IMMP2L: variants seen among roughly 807,000 people sequenced by gnomAD.
The protein encoded by IMMP2L is mitochondrial inner membrane protease subunit 2.
Under a neutral mutation model 19.3 loss-of-function variants are expected in IMMP2L, and 18 were observed. The observed-to-expected ratio is 0.93, with a 90% CI of 0.64 to 1.38. The LOEUF is 1.38. Ranked by LOEUF, IMMP2L falls within the 40% of genes most tolerant of loss-of-function variation. The pLI is 0.00. For synonymous variants in IMMP2L, 76 were observed against 73.0 expected (o/e 1.04, Z -0.21); for missense variants, 233 against 218.2 (o/e 1.07, Z -0.43).
chr7:111,088,709 A>G (rs1018121883), intron 3 of IMMP2L, among the ~76,000 whole-genome samples: 41 of 152,182 alleles, frequency 2.7e-4, no homozygotes, highest in Non-Finnish European at 1.5e-5. Flanking sequence ...CTGTATTACA[A>G]TGTAACGTCT....
At chr7:110,996,297 A>T (rs961953510) in intron 3 of IMMP2L, among the ~76,000 whole-genome samples, 3 of 152,134 alleles carry the variant, frequency 2.0e-5, no homozygotes, top group Non-Finnish European at 4.4e-5. Flanking sequence ...GGCAAATGGG[A>T]AAGTGGCCTG....
chr7:110,860,271 T>C (rs974218802), intron 5 of IMMP2L, among the ~76,000 whole-genome samples: 2 of 152,062 alleles, frequency 1.3e-5, no homozygotes, highest in Non-Finnish European at 2.9e-5. Context: ...TATCCTAAGA[T>C]TTAAAAAATA....
chr7:111,147,110 T>A (rs983171283), intron 3 of IMMP2L, among the ~76,000 whole-genome samples: 1 of 152,266 alleles, frequency 6.6e-6, no homozygotes, highest in African/African-American at 2.4e-5. Context: ...TTTTAGAGAC[T>A]CAATATTCTC....
intron 4 of IMMP2L, among the ~76,000 whole-genome samples, chr7:110,892,610 A>G (rs1235920031): frequency 1.3e-5 from 2 of 152,162 alleles, no homozygotes; most frequent in African/African-American, 2.4e-5. Context: ...AGTGCAAATA[A>G]CAAGCAAAAA....
chr7:110,878,464 T>C (rs1809297083), intron 5 of IMMP2L, among the ~76,000 whole-genome samples: 1 of 152,122 alleles, frequency 6.6e-6, no homozygotes. Flanking sequence ...TTTGAAAAGA[T>C]ACATTTTGAT....
chr7:111,171,370 T>C (rs962738349), intron 3 of IMMP2L, among the ~76,000 whole-genome samples: 3 of 151,696 alleles, frequency 2.0e-5, no homozygotes, highest in Admixed American at 1.3e-4. Context: ...TTTTGAATCA[T>C]TGACCACAAG....
At chr7:111,320,074 C>T (rs994591357) in intron 3 of IMMP2L, among the ~76,000 whole-genome samples, 32 of 151,950 alleles carry the variant, frequency 2.1e-4, no homozygotes, top group African/African-American at 7.7e-4. Flanking sequence ...TATATATACA[C>T]AGAAAGAGAG....
rs1480019960 is a variant in IMMP2L, at chr7:110,702,710, A to G, written c.409-38989T>C. Among the ~76,000 whole-genome samples the G allele has an allele frequency of 2.6e-5, 4 of 152,106 alleles. 1 individual carries two copies. In the East Asian group the frequency reaches 7.7e-4, roughly 29 times the overall value. ...TATGATTTAACATTTTCAATTTTCA[A>G]TTGTTTATTGCTAGTATAGAGAAAC... On this transcript the variant is annotated intron_variant, in intron 5 of 5. Coordinates refer to ENST00000405709, the MANE Select transcript of IMMP2L (RefSeq NM_032549.4).
intron 1 of IMMP2L, among the ~76,000 whole-genome samples, chr7:111,521,718 A>C (rs1846349055): frequency 6.6e-6 from 1 of 152,122 alleles, no homozygotes; most frequent in South Asian, 2.1e-4. Flanking sequence ...GTAAGTTAGA[A>C]AAAAACAAGC....
chr7:111,148,874 T>G (rs1261256078), intron 3 of IMMP2L, among the ~76,000 whole-genome samples: 1 of 152,084 alleles, frequency 6.6e-6, no homozygotes, highest in African/African-American at 2.4e-5. Flanking sequence ...GTGCTTCATG[T>G]GGAATAACTC....
In IMMP2L at chr7:111,499,938, G is replaced by A. The variant is rs565008070; in HGVS notation, c.136-12597C>T. ...TGAGGTACCGGGTTCATCTCACTAG[G>A]GAGTGCCAGACAGCAGGTGCAGGAC... On this transcript the variant is annotated intron_variant, in intron 2 of 5. Transcript: ENST00000405709. Among the ~76,000 whole-genome samples the A allele has an allele frequency of 1.9e-3, 285 of 152,230 alleles. 1 individual carries two copies. The highest frequency in any genetic ancestry group is 3.4e-3 in the Middle Eastern group (1 of 294).
At chr7:110,866,940 AG>A (rs1808043130) in intron 5 of IMMP2L, among the ~76,000 whole-genome samples, 1 of 152,148 alleles carries the variant, frequency 6.6e-6, no homozygotes, top group Non-Finnish European at 1.5e-5. Flanking sequence ...ACACAGTGGC[AG>A]ATTTTCACGT....
chr7:111,283,412 T>C (rs1281329881), intron 3 of IMMP2L, among the ~76,000 whole-genome samples: 1 of 152,050 alleles, frequency 6.6e-6, no homozygotes, highest in East Asian at 1.9e-4. Flanking sequence ...AAGATGAATA[T>C]GAATTTATGT....
chr7:111,142,693 A>C (rs1356330769), intron 3 of IMMP2L, among the ~76,000 whole-genome samples: 1 of 152,160 alleles, frequency 6.6e-6, no homozygotes, highest in Non-Finnish European at 1.5e-5. Flanking sequence ...CATATCATAA[A>C]GGTCATGTGT....
At chr7:111,453,320 A>C (rs113403415) in intron 3 of IMMP2L, among the ~76,000 whole-genome samples, 3,473 of 151,934 alleles carry the variant, frequency 0.023, 128 homozygotes, top group African/African-American at 0.079. Context: ...CACCTTAATT[A>C]TTTGCTGTGT....
intron 5 of IMMP2L, among the ~76,000 whole-genome samples, chr7:110,669,727 T>A (rs1295365534): frequency 6.6e-6 from 1 of 152,202 alleles, no homozygotes; most frequent in African/African-American, 2.4e-5. Context: ...GGTGCAGCAA[T>A]GTATTTTTTG....
At chr7:111,445,369 T>G (rs1264372084) in intron 3 of IMMP2L, among the ~76,000 whole-genome samples, 1 of 151,988 alleles carries the variant, frequency 6.6e-6, no homozygotes, top group African/African-American at 2.4e-5. Context: ...TCCTAGCAAT[T>G]TATTCCCCCT....
chr7:110,972,941 T>G (rs1820299016), intron 3 of IMMP2L, among the ~76,000 whole-genome samples: 1 of 152,102 alleles, frequency 6.6e-6, no homozygotes, highest in Admixed American at 6.6e-5. Flanking sequence ...TGTTTGTCCT[T>G]TCCCTTATTA....
chr7:111,165,970 T>C (rs1233543206), intron 3 of IMMP2L, among the ~76,000 whole-genome samples: 1 of 152,116 alleles, frequency 6.6e-6, no homozygotes, highest in Non-Finnish European at 1.5e-5. Context: ...GTGAGTGATA[T>C]ATTCATCCTC....
Sources: gnomAD v4.1 joint callset for allele counts (sites outside exome capture counted in the v4.1 genomes callset) on GRCh38, gnomAD v4.1.1 for gene constraint, MANE v1.5 for transcripts, NCBI Gene and HGNC (gene_info 2026-07-23, HGNC 2026-07-21) for gene names.